The following NEBL variants were observed in gnomAD, a reference collection of about 807,000 sequenced individuals.
NEBL encodes the protein nebulette, also known as LIM and SH3 protein 2.
In NEBL, 122 loss-of-function variants were observed where a neutral mutation model predicts 140.2. The ratio of observed to expected loss-of-function variants is 0.87; its 90% CI spans 0.75 to 1.01. The LOEUF (loss-of-function observed/expected upper bound fraction) is 1.01. NEBL is among the 50% of genes least tolerant of loss of function. NEBL has a pLI of 0.00. For synonymous variants in NEBL, 436 were observed against 398.9 expected, an observed-to-expected ratio of 1.09 and a Z score of -1.11; for missense variants, 1,365 against 1,231.3, an observed-to-expected ratio of 1.11 and a Z score of -1.62.
chr10:20,845,694 G>T (rs952156806), intron 11 of NEBL, among the ~76,000 whole-genome samples: 1 of 152,026 alleles, frequency 6.6e-6, no homozygotes, highest in Non-Finnish European at 1.5e-5. Flanking sequence ...CCCCCAATTG[G>T]TTTACTCCAA....
At chr10:20,946,540 C>T (rs1467953120) in intron 4 of NEBL, among the ~76,000 whole-genome samples, 1 of 152,154 alleles carries the variant, frequency 6.6e-6, no homozygotes, top group Non-Finnish European at 1.5e-5. Context: ...CAGCTCACTG[C>T]AACCTCTGCT....
At chr10:21,170,520 G>T (rs540616197) in intron 2 of NEBL, 6 of 152,334 alleles carry the variant, frequency 3.9e-5, no homozygotes, top group African/African-American at 1.2e-4. Flanking sequence ...GTCATTTATG[G>T]CTCTCTGGAA....
chr10:21,212,116 T>C (rs1396425637), intron 3 of NEBL, among the ~76,000 whole-genome samples: 1 of 151,710 alleles, frequency 6.6e-6, no homozygotes, highest in Non-Finnish European at 1.5e-5. Flanking sequence ...CTATGTTAGA[T>C]ACAGTATATA....
chr10:21,156,422 C>T (rs928685585), intron 2 of NEBL, among the ~76,000 whole-genome samples: 1 of 152,110 alleles, frequency 6.6e-6, no homozygotes, highest in Non-Finnish European at 1.5e-5. Context: ...AAGTCAGGAG[C>T]AAACATGGAA....
chr10:21,292,656 A>G (rs1017858593), intron 1 of NEBL, among the ~76,000 whole-genome samples: 3 of 152,180 alleles, frequency 2.0e-5, no homozygotes, highest in African/African-American at 7.2e-5. Context: ...TTTTCCCTCT[A>G]TTTCACTTAA....
intron 2 of NEBL, among the ~76,000 whole-genome samples, chr10:21,067,026 G>T (rs941129493): frequency 2.3e-5 from 3 of 130,724 alleles, no homozygotes; most frequent in African/African-American, 8.9e-5. Flanking sequence ...AGGCTGTAGT[G>T]CAGTGGCGCG....
At chr10:21,022,374 AT>A (rs1198323347) in intron 2 of NEBL, among the ~76,000 whole-genome samples, 1 of 152,142 alleles carries the variant, frequency 6.6e-6, no homozygotes, top group Non-Finnish European at 1.5e-5. Flanking sequence ...TGCAGTAATC[AT>A]TTGTCGGTGC....
intron 26 of NEBL, chr10:20,793,208 A>G (rs1444147706): frequency 7.4e-6 from 2 of 269,848 alleles, no homozygotes; most frequent in Non-Finnish European, 1.1e-5. Flanking sequence ...AGACTTCAAT[A>G]TAAAAATGAA....
intron 24 of NEBL, among the ~76,000 whole-genome samples, chr10:20,811,055 G>A (rs1018449095): frequency 2.6e-5 from 4 of 152,088 alleles, no homozygotes; most frequent in East Asian, 1.9e-4. Context: ...ATCTCTAAAC[G>A]TGTATTTTCA....
At chr10:21,187,304 G>A (rs182552491) in intron 3 of NEBL, among the ~76,000 whole-genome samples, 107 of 151,858 alleles carry the variant, frequency 7.0e-4, no homozygotes, top group Admixed American at 4.3e-3. Context: ...TCTTCATAAC[G>A]GCATGAGAAT....
chr10:20,905,208 T>C (rs1848039993), intron 4 of NEBL, among the ~76,000 whole-genome samples: 1 of 152,168 alleles, frequency 6.6e-6, no homozygotes, highest in Non-Finnish European at 1.5e-5. Flanking sequence ...AAGTGTAATA[T>C]AGTGCTCCTA....
chr10:21,233,992 T>TATAAGTATAAATTATAAATTATAAGTATA (rs1842310207), intron 3 of NEBL, among the ~76,000 whole-genome samples: 1 of 140,712 alleles, frequency 7.1e-6, no homozygotes, highest in African/African-American at 2.7e-5. Flanking sequence ...ATAAGTAGTA[T>TATAAGTATAAATTATAAATTATAAGTATA]AATTTAGGAG....
intron 3 of NEBL, among the ~76,000 whole-genome samples, chr10:21,227,486 A>T (rs1047826965): frequency 3.3e-5 from 5 of 152,246 alleles, no homozygotes; most frequent in African/African-American, 1.2e-4. Context: ...ATCACCAGAA[A>T]TGGTTTCCCG....
chr10:20,874,084 G>A lies in NEBL; in HGVS notation c.481-4243C>T, dbSNP rs191908320. 5.9e-5 allele frequency among the ~76,000 whole-genome samples: 9 copies of A among 152,156 alleles called. No individual in the cohort carries two copies. In the South Asian group the frequency reaches 1.0e-3, roughly 18 times the overall value. The stretch of plus-strand genomic sequence containing the variant: ...ATAGTGATTCTGGTTTCTTCCATAG[G>A]AACACCTAGAATTATTACCTTATGT... On this transcript the variant is annotated intron_variant, in intron 5 of 27. Coordinates refer to ENST00000377122, the MANE Select transcript of NEBL (RefSeq NM_006393.3).
intron 4 of NEBL, among the ~76,000 whole-genome samples, chr10:20,958,159 A>G (rs914740771): frequency 6.6e-6 from 1 of 152,206 alleles, no homozygotes; most frequent in Non-Finnish European, 1.5e-5. Context: ...CAGCCACAGA[A>G]AAGGGTGTTT....
intron 3 of NEBL, among the ~76,000 whole-genome samples, chr10:21,220,641 G>T (rs1842054258): frequency 6.6e-6 from 1 of 152,064 alleles, no homozygotes; most frequent in South Asian, 2.1e-4. Flanking sequence ...AGCAAAAATA[G>T]GCAAATGGGA....
chr10:21,182,426 T>C (rs1164119615), intron 3 of NEBL, among the ~76,000 whole-genome samples: 1 of 152,180 alleles, frequency 6.6e-6, no homozygotes, highest in Non-Finnish European at 1.5e-5. Context: ...CAATGAGGTA[T>C]TATCGTGCCA....
At chr10:20,970,287 G>A (rs1483707467) in intron 3 of NEBL, among the ~76,000 whole-genome samples, 1 of 152,132 alleles carries the variant, frequency 6.6e-6, no homozygotes, top group East Asian at 1.9e-4. Context: ...CTGCCCCATG[G>A]CCAGGGACTG....
intron 1 of NEBL, among the ~76,000 whole-genome samples, chr10:21,255,739 G>T (rs536262424): frequency 2.0e-5 from 3 of 152,092 alleles, no homozygotes; most frequent in Non-Finnish European, 2.9e-5. Flanking sequence ...GGCTCACACC[G>T]GTAATCCCAA....
Sources: allele counts gnomAD v4.1 joint callset (sites outside exome capture counted in the v4.1 genomes callset), GRCh38; gene constraint gnomAD v4.1.1; transcripts MANE v1.5; gene names NCBI Gene and HGNC (gene_info 2026-07-23, HGNC 2026-07-21).